POPDC1: variants seen among roughly 807,000 people sequenced by gnomAD.
POPDC1 encodes popeye domain-containing protein 1.
the POPDC1 span, among the ~76,000 whole-genome samples, chr6:105,133,970 G>A: frequency 6.6e-6 from 1 of 152,096 alleles, no homozygotes; most frequent in Admixed American, 6.6e-5. Context: ...AAGTTATTTA[G>A]TCTAGTCTTC....
At chr6:105,134,811 TTAATAG>T in the POPDC1 span, among the ~76,000 whole-genome samples, 8 of 152,264 alleles carry the variant, frequency 5.3e-5, no homozygotes, top group South Asian at 2.1e-4. Context: ...CTCATAAATA[TTAATAG>T]TAATAGTTGA....
chr6:105,104,821 CA>C, the POPDC1 span, among the ~76,000 whole-genome samples: 1 of 152,172 alleles, frequency 6.6e-6, no homozygotes, highest in East Asian at 1.9e-4. Context: ...GGAGTGACCA[CA>C]AGGTGCTAGG....
At chr6:105,107,822 A>G in the POPDC1 span, among the ~76,000 whole-genome samples, 1 of 151,946 alleles carries the variant, frequency 6.6e-6, no homozygotes, top group African/African-American at 2.4e-5. Context: ...TTTTTCCTGG[A>G]AAGAATTCTT....
chr6:105,120,880 A>T, the POPDC1 span, among the ~76,000 whole-genome samples: 1 of 152,206 alleles, frequency 6.6e-6, no homozygotes, highest in Non-Finnish European at 1.5e-5. Flanking sequence ...AAACACTAAA[A>T]TATCCTAGAA....
the POPDC1 span, among the ~76,000 whole-genome samples, chr6:105,103,680 G>A: frequency 6.6e-6 from 1 of 152,138 alleles, no homozygotes; most frequent in Non-Finnish European, 1.5e-5. Flanking sequence ...AACATACCCA[G>A]TTTATTCTGT....
At chr6:105,132,185 C>G in the POPDC1 span, among the ~76,000 whole-genome samples, 1 of 152,106 alleles carries the variant, frequency 6.6e-6, no homozygotes, top group African/African-American at 2.4e-5. Flanking sequence ...AAGCTGGTCT[C>G]GAACTCCTGA....
chr6:105,110,282 C>T, the POPDC1 span, among the ~76,000 whole-genome samples: 221 of 152,292 alleles, frequency 1.5e-3, no homozygotes, highest in African/African-American at 5.1e-3. Flanking sequence ...ACATTGATCT[C>T]CCTAAACTAC....
At chr6:105,125,229 T>C in the POPDC1 span, among the ~76,000 whole-genome samples, 23,711 of 152,230 alleles carry the variant, frequency 0.16, 2,477 homozygotes, top group Non-Finnish European at 0.23. Flanking sequence ...TGTTGCTCTA[T>C]AGCATTGTAA....
chr6:105,122,972 T>C, the POPDC1 span, among the ~76,000 whole-genome samples: 1 of 152,198 alleles, frequency 6.6e-6, no homozygotes, highest in East Asian at 1.9e-4. Context: ...GGCCAGTTAT[T>C]CAGGAAGGGC....
At chr6:105,123,750 G>A in the POPDC1 span, among the ~76,000 whole-genome samples, 16,091 of 152,214 alleles carry the variant, frequency 0.11, 1,097 homozygotes, top group African/African-American at 0.19. Flanking sequence ...TCAAATTATT[G>A]CCATTACGAA....
chr6:105,101,668 C>T, the POPDC1 span, among the ~76,000 whole-genome samples: 1 of 152,154 alleles, frequency 6.6e-6, no homozygotes, highest in East Asian at 1.9e-4. Context: ...TCACCTAAAA[C>T]ATTTCTTGCC....
the POPDC1 span, chr6:105,117,004 ACT>A: frequency 1.2e-6 from 1 of 862,900 alleles, no homozygotes. Flanking sequence ...AAAAAAGGAG[ACT>A]CAATGCACAC....
chr6:105,132,599 T>C, the POPDC1 span, among the ~76,000 whole-genome samples: 2 of 152,182 alleles, frequency 1.3e-5, no homozygotes, highest in Non-Finnish European at 2.9e-5. Context: ...AGTCTTTGTC[T>C]GGACACATCA....
At chr6:105,098,421 G>C in the POPDC1 span, 17 of 152,130 alleles carry the variant, frequency 1.1e-4, no homozygotes, top group African/African-American at 4.1e-4. Flanking sequence ...TCTTCACATT[G>C]AGACACTGAT....
the POPDC1 span, among the ~76,000 whole-genome samples, chr6:105,114,669 TTAAAG>T: frequency 3.3e-5 from 5 of 152,280 alleles, no homozygotes. Flanking sequence ...AGAATAATTC[TTAAAG>T]TATTTAATTC....
the POPDC1 span, among the ~76,000 whole-genome samples, chr6:105,133,748 T>C: frequency 6.6e-6 from 1 of 152,322 alleles, no homozygotes; most frequent in East Asian, 1.9e-4. Context: ...TGTCACATAT[T>C]AAATGTATTC....
chr6:105,134,555 T>C, the POPDC1 span, among the ~76,000 whole-genome samples: 2 of 152,168 alleles, frequency 1.3e-5, no homozygotes, highest in Admixed American at 1.3e-4. Flanking sequence ...TTTAGAAATA[T>C]GTATTTCTTT....
chr6:105,106,829 C>T, the POPDC1 span, among the ~76,000 whole-genome samples: 2 of 151,966 alleles, frequency 1.3e-5, no homozygotes, highest in Non-Finnish European at 2.9e-5. Flanking sequence ...TTTGTGGGTA[C>T]ATAGTGGATG....
chr6:105,123,621 C>T, the POPDC1 span, among the ~76,000 whole-genome samples: 2 of 152,068 alleles, frequency 1.3e-5, no homozygotes, highest in African/African-American at 2.4e-5. Flanking sequence ...AGGATGGTCT[C>T]GATCTCCTGA....
Sources: gnomAD v4.1 joint callset for allele counts (sites outside exome capture counted in the v4.1 genomes callset) on GRCh38, gnomAD v4.1.1 for gene constraint, MANE v1.5 for transcripts, NCBI Gene and HGNC (gene_info 2026-07-23, HGNC 2026-07-21) for gene names.